ASIC5: variants seen among roughly 807,000 people sequenced by gnomAD.
The protein encoded by ASIC5 is acid sensing ion channel subunit family member 5, also known as bile acid-sensitive ion channel.
ASIC5 carries 52 observed loss-of-function variants against 51.2 expected under a neutral mutation model. The ratio of observed to expected loss-of-function variants is 1.02; its 90% CI spans 0.81 to 1.28. The LOEUF (loss-of-function observed/expected upper bound fraction) is 1.28, where lower values mean the gene tolerates loss of function less well. Among genes scored for constraint, ASIC5 ranks in the 50% most tolerant of loss-of-function variants. ASIC5 has a pLI of 0.00. For missense variants in ASIC5, 635 were observed against 595.0 expected, an observed-to-expected ratio of 1.07 and a Z score of -0.70; for synonymous variants, 231 against 200.7, an observed-to-expected ratio of 1.15 and a Z score of -1.28.
intron 4 of ASIC5, among the ~76,000 whole-genome samples, chr4:155,851,960 T>C (rs1741390890): frequency 6.6e-6 from 1 of 152,024 alleles, no homozygotes; most frequent in African/African-American, 2.4e-5. Flanking sequence ...CTGGAGTCAA[T>C]AATTTAAGTC....
At chr4:155,840,465 ATATATTT>A (rs1560742828) in intron 6 of ASIC5, among the ~76,000 whole-genome samples, 1 of 147,156 alleles carries the variant, frequency 6.8e-6, no homozygotes, top group African/African-American at 2.5e-5. Flanking sequence ...TATATTTTAT[ATATATTT>A]TATATTTATA....
At chr4:155,837,959 CTG>C (rs983655779) in intron 7 of ASIC5, among the ~76,000 whole-genome samples, 1 of 152,090 alleles carries the variant, frequency 6.6e-6, no homozygotes, top group Non-Finnish European at 1.5e-5. Flanking sequence ...GATAAGAAAT[CTG>C]AAGAAATCTG....
intron 4 of ASIC5, among the ~76,000 whole-genome samples, chr4:155,845,773 C>T (rs905246357): frequency 3.9e-5 from 6 of 152,106 alleles, no homozygotes; most frequent in African/African-American, 1.2e-4. Context: ...CCCTCTAGCA[C>T]CAACAGACTT....
At chr4:155,862,285 T>C (rs1459473027) in intron 2 of ASIC5, among the ~76,000 whole-genome samples, 1 of 152,112 alleles carries the variant, frequency 6.6e-6, no homozygotes, top group Non-Finnish European at 1.5e-5. Flanking sequence ...TTGACAATCA[T>C]ACAAACGGGC....
chr4:155,834,976 C>T (rs1225521649), intron 8 of ASIC5, among the ~76,000 whole-genome samples: 1 of 152,048 alleles, frequency 6.6e-6, no homozygotes, highest in Non-Finnish European at 1.5e-5. Flanking sequence ...CACTCCATAC[C>T]CCCTTCTGGC....
intron 5 of ASIC5, among the ~76,000 whole-genome samples, 180 bp downstream of exon 5, chr4:155,843,501 A>G (rs1579288159): frequency 6.6e-6 from 1 of 152,146 alleles, no homozygotes; most frequent in African/African-American, 2.4e-5. Flanking sequence ...TTTCACTTAC[A>G]TAGTTTCTGT....
chr4:155,852,133 A>C (rs1741395227), intron 4 of ASIC5, 58 bp downstream of exon 4: 1 of 1,595,410 alleles, frequency 6.3e-7, no homozygotes, highest in Non-Finnish European at 8.6e-7. Flanking sequence ...TAGTCTGATC[A>C]AGTTTTTGAA....
At chr4:155,843,916 G>T in intron 4 of ASIC5, 86 bp from the exon 5 acceptor site, 2 of 1,224,584 alleles carry the variant, frequency 1.6e-6, no homozygotes, top group Non-Finnish European at 1.2e-6. Context: ...ATCATCTCAT[G>T]ATAGCGTTTG....
At chr4:155,853,175 G>A (rs1741424865) in intron 3 of ASIC5, among the ~76,000 whole-genome samples, 1 of 151,992 alleles carries the variant, frequency 6.6e-6, no homozygotes. Context: ...TTGTTGGTAA[G>A]TTAAACTTGT....
At chr4:155,860,730 CT>C (rs1180357556) in intron 2 of ASIC5, among the ~76,000 whole-genome samples, 2 of 151,668 alleles carry the variant, frequency 1.3e-5, no homozygotes, top group African/African-American at 2.4e-5. Flanking sequence ...GATATATTAT[CT>C]TTTTTTCAAT....
intron 6 of ASIC5, among the ~76,000 whole-genome samples, chr4:155,841,468 G>A (rs1741119067): frequency 6.6e-6 from 1 of 152,134 alleles, no homozygotes; most frequent in African/African-American, 2.4e-5. Context: ...TCACCTAGGG[G>A]AGAAATTGTA....
chr4:155,833,789 A>C lies in ASIC5; in HGVS notation c.1236-1874T>G, dbSNP rs1740920973. 2.0e-5 allele frequency among the ~76,000 whole-genome samples: 3 copies of C among 152,194 alleles called. No individual in the cohort carries two copies. In the South Asian group the frequency reaches 6.2e-4, roughly 32 times the overall value. On this transcript the variant is annotated intron_variant, in intron 8 of 9. Coordinates refer to ENST00000537611, the MANE Select transcript of ASIC5 (RefSeq NM_017419.3). ...GCAAAAATATTGTGATATTTGCTCAACTTCTCTCAGGCAGTTGTTTTGTCC... is the reference window on the plus strand; with the variant it reads ...GCAAAAATATTGTGATATTTGCTCACCTTCTCTCAGGCAGTTGTTTTGTCC...
chr4:155,833,558 T>G (rs977291556), intron 8 of ASIC5, among the ~76,000 whole-genome samples: 1 of 152,194 alleles, frequency 6.6e-6, no homozygotes, highest in Non-Finnish European at 1.5e-5. Context: ...TATTTACAAA[T>G]GATAAAACAG....
chr4:155,846,089 A>G (rs1280212127), intron 4 of ASIC5, among the ~76,000 whole-genome samples: 1 of 151,570 alleles, frequency 6.6e-6, no homozygotes, highest in Non-Finnish European at 1.5e-5. Context: ...AAGTGTTTAA[A>G]TCATATATTT....
At chr4:155,834,231 A>C (rs576086719) in intron 8 of ASIC5, among the ~76,000 whole-genome samples, 91 of 152,262 alleles carry the variant, frequency 6.0e-4, no homozygotes, top group Non-Finnish European at 9.7e-4. Context: ...CAGCAGCCCC[A>C]TGAGGCCGTG....
In ASIC5 at chr4:155,843,712, AT is replaced by A. The variant is rs1485535638; in HGVS notation, c.829del (p.Met277CysfsTer5). The A allele has an allele frequency of 1.2e-6, 2 of 1,613,454 alleles. No homozygotes were observed. The highest frequency in any genetic ancestry group is 1.6e-4 in the Middle Eastern group (1 of 6,078). On this transcript the variant is annotated frameshift_variant, in exon 5 of 10. Coordinates refer to ENST00000537611, the MANE Select transcript of ASIC5 (RefSeq NM_017419.3). LOFTEE classifies it high-confidence loss of function. The stretch of plus-strand genomic sequence containing the variant: ...TTGGCGGATGGTTACCCTTGCGTGC[AT>A]TCCCACAGGTGACAACAAGCCTAAC... Reference protein sequence around the residue: ...DGLGLLSPVGMHARVTIRQVK... With the variant: ...DGLGLLSPVGXHARVTIRQVK...
rs1740835702 is a variant in ASIC5 at position 155,829,904 on chromosome 4, A to C, written c.1470T>G (p.Pro490=). ...LKISEMTQWT[P]PPQNHLGNKN... is the part of the protein sequence containing the mutation. ...TATTTCCCAGATGATTCTGAGGTGGAGGAGTCCACTGGGTCATTTCAGATA... is the reference window on the plus strand; with the variant it reads ...TATTTCCCAGATGATTCTGAGGTGGCGGAGTCCACTGGGTCATTTCAGATA... Residue 490 remains proline (P), a synonymous_variant, in exon 10 of 10, where the codon CCT becomes CCG. Transcript: ENST00000537611. 6.2e-7 allele frequency: 1 copy of C among 1,604,574 alleles called. No individual in the cohort carries two copies. The highest frequency in any genetic ancestry group is 1.3e-5 in the African/African-American group (1 of 74,412).
chr4:155,863,414 A>T, intron 2 of ASIC5, 34 bp downstream of exon 2: 1 of 1,497,362 alleles, frequency 6.7e-7, no homozygotes, highest in Non-Finnish European at 9.1e-7. Flanking sequence ...GCAAATTTAT[A>T]GGAACTAATT....
At chr4:155,834,588 T>A (rs987512439) in intron 8 of ASIC5, among the ~76,000 whole-genome samples, 2 of 152,104 alleles carry the variant, frequency 1.3e-5, no homozygotes, top group East Asian at 1.9e-4. Flanking sequence ...TGTGATAGGA[T>A]TAATTGGATA....
Sources: allele counts gnomAD v4.1 joint callset (sites outside exome capture counted in the v4.1 genomes callset), GRCh38; gene constraint gnomAD v4.1.1; transcripts MANE v1.5; gene names NCBI Gene and HGNC (gene_info 2026-07-23, HGNC 2026-07-21).